NKAIN2: variants seen among roughly 807,000 people sequenced by gnomAD.
The protein encoded by NKAIN2 is sodium/potassium-transporting ATPase subunit beta-1-interacting protein 2.
A neutral mutation model predicts 32.6 loss-of-function variants in NKAIN2; 14 were observed. The ratio of observed to expected loss-of-function variants is 0.43; its 90% CI spans 0.28 to 0.67. NKAIN2 has a LOEUF of 0.67. Ranked by LOEUF, NKAIN2 falls within the 30% of genes least tolerant of loss-of-function variation. The pLI is 0.17. For missense variants in NKAIN2, 198 were observed against 258.3 expected (o/e 0.77, Z 1.60); for synonymous variants, 80 against 87.2 (o/e 0.92, Z 0.46).
intron 3 of NKAIN2, among the ~76,000 whole-genome samples, chr6:124,588,053 A>G (rs1781771200): frequency 6.6e-6 from 1 of 152,182 alleles, no homozygotes. Context: ...TACATGTTCT[A>G]AATAGATGAT....
At chr6:124,683,978 A>G (rs1178261944) in intron 4 of NKAIN2, among the ~76,000 whole-genome samples, 9 of 152,212 alleles carry the variant, frequency 5.9e-5, no homozygotes, top group Non-Finnish European at 1.5e-5. Flanking sequence ...GAAACCATTA[A>G]GTTTCAAAAC....
intron 1 of NKAIN2, among the ~76,000 whole-genome samples, chr6:123,911,815 A>G (rs1582764556): frequency 1.9e-4 from 5 of 26,532 alleles, no homozygotes; most frequent in East Asian, 1.8e-3. Flanking sequence ...ATATATATAC[A>G]CACACACACA....
rs867224625 is a variant in NKAIN2 at position 124,075,743 on chromosome 6, C to T, written c.55-207262C>T. ...CCCAAGTAGCTGGGATTACAGGCAC[C>T]CACCACCATGTCCGGCTAATTTTTG... On this transcript the variant is annotated intron_variant, in intron 1 of 6. Transcript: ENST00000368417. Among the ~76,000 whole-genome samples the T allele has an allele frequency of 5.9e-5, 9 of 152,124 alleles. No individual in the cohort carries two copies. In the Middle Eastern group the frequency reaches 0.01, roughly 172 times the overall value.
rs1427213436 is a variant in NKAIN2 at position 124,575,695 on chromosome 6, G to C, written c.274-82491G>C. ...CAGTGAAAACTGACTTCTAAGGAAG[G>C]TTTTTTCCTTGGCTATATTTTTTTT... On this transcript the variant is annotated intron_variant, in intron 3 of 6. Coordinates refer to ENST00000368417, the MANE Select transcript of NKAIN2 (RefSeq NM_001040214.3). Among the ~76,000 whole-genome samples the C allele has an allele frequency of 2.0e-5, 3 of 152,124 alleles. No homozygotes were observed. In the East Asian group the frequency reaches 5.8e-4, roughly 29 times the overall value.
chr6:124,167,034 G>GT (rs1562397189), intron 1 of NKAIN2, among the ~76,000 whole-genome samples: 1 of 148,244 alleles, frequency 6.7e-6, no homozygotes, highest in Non-Finnish European at 1.5e-5. Flanking sequence ...CTTTAAAGTA[G>GT]TTTTTTCCAA....
At chr6:124,460,358 C>T (rs1228823923) in intron 3 of NKAIN2, among the ~76,000 whole-genome samples, 6 of 151,356 alleles carry the variant, frequency 4.0e-5, no homozygotes, top group Non-Finnish European at 8.9e-5. Flanking sequence ...ATGTTTTAGC[C>T]CTTCATTTTT....
At chr6:123,874,605 T>TA (rs1340095227) in intron 1 of NKAIN2, among the ~76,000 whole-genome samples, 2 of 152,176 alleles carry the variant, frequency 1.3e-5, no homozygotes, top group Admixed American at 6.5e-5. Context: ...AATGCAATTT[T>TA]AAAATATAAT....
At chr6:124,557,411 C>T (rs1780516788) in intron 3 of NKAIN2, among the ~76,000 whole-genome samples, 1 of 152,172 alleles carries the variant, frequency 6.6e-6, no homozygotes, top group Non-Finnish European at 1.5e-5. Context: ...CAATTTTCCT[C>T]TTTCAAGGTA....
At chr6:124,447,262 A>G (rs1775932375) in intron 3 of NKAIN2, among the ~76,000 whole-genome samples, 1 of 151,978 alleles carries the variant, frequency 6.6e-6, no homozygotes. Context: ...TATCCTGCCC[A>G]CCAGACCTTA....
intron 1 of NKAIN2, among the ~76,000 whole-genome samples, chr6:124,220,155 TAGTG>T (rs1791737895): frequency 6.6e-6 from 1 of 152,162 alleles, no homozygotes; most frequent in South Asian, 2.1e-4. Context: ...CTTCTCATAA[TAGTG>T]AGTGAGTTCT....
At chr6:124,201,278 A>G (rs962830205) in intron 1 of NKAIN2, among the ~76,000 whole-genome samples, 4 of 152,042 alleles carry the variant, frequency 2.6e-5, no homozygotes, top group Non-Finnish European at 5.9e-5. Flanking sequence ...TTAAGTGTAC[A>G]TAGAAACATA....
intron 1 of NKAIN2, among the ~76,000 whole-genome samples, chr6:123,845,547 A>C (rs1775052744): frequency 6.6e-6 from 1 of 152,198 alleles, no homozygotes; most frequent in Admixed American, 6.5e-5. Flanking sequence ...ACTCATGAAC[A>C]ACACAAATTT....
intron 4 of NKAIN2, among the ~76,000 whole-genome samples, chr6:124,674,008 T>TTAA (rs748116790): frequency 9.8e-4 from 149 of 152,142 alleles, no homozygotes; most frequent in Middle Eastern, 3.4e-3. Context: ...TTACAGCTTC[T>TTAA]TAAGCCTTTC....
At chr6:124,306,457 A>C (rs938668592) in intron 2 of NKAIN2, among the ~76,000 whole-genome samples, 1 of 152,184 alleles carries the variant, frequency 6.6e-6, no homozygotes, top group Admixed American at 6.6e-5. Flanking sequence ...TCTTATGCAT[A>C]AACTAGAAAT....
intron 4 of NKAIN2, among the ~76,000 whole-genome samples, chr6:124,706,390 T>C (rs1014434055): frequency 6.6e-6 from 1 of 152,124 alleles, no homozygotes; most frequent in East Asian, 1.9e-4. Flanking sequence ...ATTAAAGGGC[T>C]CTTCATTGCT....
chr6:124,163,197 A>G (rs1304075783), intron 1 of NKAIN2, among the ~76,000 whole-genome samples: 1 of 152,010 alleles, frequency 6.6e-6, no homozygotes, highest in Non-Finnish European at 1.5e-5. Flanking sequence ...TAAAGGAAAA[A>G]CAGACAGGTG....
intron 1 of NKAIN2, among the ~76,000 whole-genome samples, chr6:124,068,190 CAAAT>C (rs1346743103): frequency 1.3e-5 from 2 of 151,948 alleles, no homozygotes; most frequent in Non-Finnish European, 2.9e-5. Flanking sequence ...GTACTAGAAA[CAAAT>C]AAATGAGAAA....
chr6:124,076,818 C>T (rs1002495602), intron 1 of NKAIN2, among the ~76,000 whole-genome samples: 1 of 152,112 alleles, frequency 6.6e-6, no homozygotes, highest in African/African-American at 2.4e-5. Context: ...TCTGGAGTCA[C>T]GCCCAGGCTC....
chr6:124,805,520 C>T (rs377689144), intron 5 of NKAIN2, among the ~76,000 whole-genome samples: 1 of 150,920 alleles, frequency 6.6e-6, no homozygotes, highest in Non-Finnish European at 1.5e-5. Context: ...ACCAAAAGTA[C>T]ATAAAACCAC....
Sources: gnomAD v4.1 joint callset for allele counts (sites outside exome capture counted in the v4.1 genomes callset) on GRCh38, gnomAD v4.1.1 for gene constraint, MANE v1.5 for transcripts, NCBI Gene and HGNC (gene_info 2026-07-23, HGNC 2026-07-21) for gene names.